RAPGEF5: variants seen among roughly 807,000 people sequenced by gnomAD.
RAPGEF5 encodes Rap guanine nucleotide exchange factor 5, also known as M-Ras-regulated GEF.
A neutral mutation model predicts 125.2 loss-of-function variants in RAPGEF5; 65 were observed. The ratio of observed to expected loss-of-function variants is 0.52; its 90% CI spans 0.43 to 0.64. RAPGEF5 has a LOEUF of 0.64. Among genes scored for constraint, RAPGEF5 ranks in the 30% least tolerant of loss-of-function variants. The probability of loss-of-function intolerance (pLI) is 0.00; values close to 1 mark genes in which losing one functional copy is unlikely to be tolerated. For missense variants in RAPGEF5, 958 were observed against 1,048.1 expected, an observed-to-expected ratio of 0.91 and a Z score of 1.19; for synonymous variants, 391 against 385.9, an observed-to-expected ratio of 1.01 and a Z score of -0.16.
At chr7:22,170,671 T>C (rs547072241) in intron 11 of RAPGEF5, among the ~76,000 whole-genome samples, 3 of 152,316 alleles carry the variant, frequency 2.0e-5, no homozygotes, top group African/African-American at 7.2e-5. Context: ...CAGAGTCTGG[T>C]TGGATGGTGG....
At position 22,218,540 on chromosome 7, in the gene RAPGEF5, G is replaced by T. The variant is rs1297326389; in HGVS notation, c.996+1326C>A. 2.6e-5 allele frequency among the ~76,000 whole-genome samples: 4 copies of T among 152,272 alleles called. No homozygotes were observed. In the South Asian group the frequency reaches 8.3e-4, roughly 32 times the overall value. On this transcript the variant is annotated intron_variant, in intron 9 of 25. Transcript: ENST00000665637. ...TTGTTAAGACTATTGTGGGGGAAATGTGCATCTTGAAATCAATAAAATATG... is the reference window on the plus strand; with the variant it reads ...TTGTTAAGACTATTGTGGGGGAAATTTGCATCTTGAAATCAATAAAATATG...
In RAPGEF5 at chr7:22,291,243, T is replaced by TA. The variant is rs367948789; in HGVS notation, c.681-3dup. The TA allele has an allele frequency of 0.026, 34,332 of 1,329,932 alleles. 3 individuals are homozygous for TA. Among genetic ancestry groups the TA allele is most frequent in the East Asian group, 0.038 (1,427 of 37,388 alleles). 82.4% of individuals were successfully genotyped at this position (1,329,932 alleles called of 1,614,324 possible). A position where few individuals can be genotyped will look rare whatever the true frequency, so the allele number is the denominator to read the frequency against. ...GAGTCTTCAATTTTCTGATGAGACC[T>TA]AAAAAAAAAAAAAAGAACAAATTAC... On this transcript the variant is annotated splice_polypyrimidine_tract_variant and splice_region_variant and intron_variant, in intron 5 of 25. Coordinates refer to ENST00000665637, the MANE Select transcript of RAPGEF5 (RefSeq NM_012294.5).
intron 11 of RAPGEF5, among the ~76,000 whole-genome samples, chr7:22,178,621 A>G (rs1784581781): frequency 6.6e-6 from 1 of 152,226 alleles, no homozygotes; most frequent in South Asian, 2.1e-4. Context: ...GTAGTTACAC[A>G]GCATGAGGTC....
At chr7:22,351,650 A>G (rs957428778) in intron 1 of RAPGEF5, among the ~76,000 whole-genome samples, 21 of 152,224 alleles carry the variant, frequency 1.4e-4, no homozygotes, top group Admixed American at 2.6e-4. Context: ...ATATCAGAAT[A>G]TGCATGGTAC....
intron 1 of RAPGEF5, among the ~76,000 whole-genome samples, chr7:22,327,088 A>G (rs1046327627): frequency 6.6e-6 from 1 of 152,252 alleles, no homozygotes; most frequent in Non-Finnish European, 1.5e-5. Context: ...TTTTCAATCT[A>G]TAAATAATCT....
chr7:22,144,674 C>T (rs1244424812), intron 20 of RAPGEF5, among the ~76,000 whole-genome samples: 1 of 152,274 alleles, frequency 6.6e-6, no homozygotes, highest in East Asian at 1.9e-4. Context: ...GCAGGTCCTA[C>T]AATGCACCTG....
In RAPGEF5 at chr7:22,150,391, G is replaced by A; in HGVS notation, c.1884+16C>T. 1 of 1,597,860 alleles carries A rather than the reference G, an allele frequency of 6.3e-7. No homozygotes were observed. The highest frequency in any genetic ancestry group is 1.1e-5 in the South Asian group (1 of 87,004). The stretch of plus-strand genomic sequence containing the variant: ...CCTGGCCTGTTTGTTTCAAATACAA[G>A]GCTGAAGGTCCTTACCAAAGTGTCC... On this transcript the variant is annotated intron_variant, in intron 18 of 25. Transcript: ENST00000665637.
intron 1 of RAPGEF5, among the ~76,000 whole-genome samples, chr7:22,333,965 G>A (rs994695728): frequency 1.3e-4 from 20 of 152,264 alleles, no homozygotes; most frequent in African/African-American, 4.8e-4. Flanking sequence ...TGAAGGCAAA[G>A]GAGAGTCGGC....
Position 22,122,435 on chromosome 7 carries a change from G to C in RAPGEF5, c.2623C>G (p.Leu875Val), listed in dbSNP as rs746977906. Residue 875 changes from leucine to valine, a missense_variant, in exon 26 of 26, where the codon CTC becomes GTC. Leu to Val is a conservative substitution (Grantham distance 32). Coordinates refer to ENST00000665637, the MANE Select transcript of RAPGEF5 (RefSeq NM_012294.5). ...ACCCGAGGCTCGATCCTGTGTGAGA[G>C]CTCAAACAGAGCCTGCTGGCTGTCA... ...VIDSQQALFE[L>V]SHRIEPRV is the part of the protein sequence containing the mutation. 1 of 1,613,748 alleles carries C rather than the reference G, an allele frequency of 6.2e-7. No individual in the cohort carries two copies. The highest frequency in any genetic ancestry group is 8.5e-7 in the Non-Finnish European group (1 of 1,179,734).
chr7:22,230,115 A>C (rs1335684245), intron 8 of RAPGEF5, among the ~76,000 whole-genome samples: 2 of 152,242 alleles, frequency 1.3e-5, no homozygotes, highest in African/African-American at 4.8e-5. Flanking sequence ...TAAGGATTTA[A>C]GAAACTTGGA....
chr7:22,134,741 T>C (rs777805973), intron 23 of RAPGEF5, among the ~76,000 whole-genome samples: 1 of 152,210 alleles, frequency 6.6e-6, no homozygotes, highest in African/African-American at 2.4e-5. Context: ...CACCCTCTAA[T>C]TGAAGATATT....
intron 11 of RAPGEF5, among the ~76,000 whole-genome samples, chr7:22,167,515 C>T (rs909194058): frequency 5.3e-5 from 8 of 152,192 alleles, no homozygotes; most frequent in Non-Finnish European, 1.0e-4. Context: ...GAGGTGTACA[C>T]TCAAGTCCTA....
chr7:22,169,281 T>C (rs1301896033), intron 11 of RAPGEF5, among the ~76,000 whole-genome samples: 3 of 152,184 alleles, frequency 2.0e-5, no homozygotes, highest in Non-Finnish European at 1.5e-5. Flanking sequence ...TTTACTTTAC[T>C]TGTCTCCAAA....
In RAPGEF5 at chr7:22,119,338, G is replaced by C. The variant is rs892662812; in HGVS notation, c.*3068C>G. The stretch of plus-strand genomic sequence containing the variant: ...GGTGTATGCTCCACACTACCTGTTT[G>C]TGGTTCTCGGTCTAGGGAAATGAAT... On this transcript the variant is annotated 3_prime_UTR_variant, in exon 26 of 26. Coordinates refer to ENST00000665637, the MANE Select transcript of RAPGEF5 (RefSeq NM_012294.5). The surrounding 1 kb of genome is among the most constrained non-coding windows in gnomAD (Gnocchi z 4.1). 6.6e-6 allele frequency: 1 copy of C among 152,156 alleles called. No homozygotes were observed. The highest frequency in any genetic ancestry group is 2.4e-5 in the African/African-American group (1 of 41,412). 9.4% of individuals were successfully genotyped at this position (152,156 alleles called of 1,614,324 possible).
chr7:22,297,070 AAT>A (rs1242666958), intron 5 of RAPGEF5, among the ~76,000 whole-genome samples: 1 of 152,236 alleles, frequency 6.6e-6, no homozygotes, highest in Non-Finnish European at 1.5e-5. Context: ...AGTAACCATA[AAT>A]ATATCTTTTG....
intron 11 of RAPGEF5, among the ~76,000 whole-genome samples, chr7:22,188,410 A>G (rs1784887053): frequency 6.6e-6 from 1 of 152,198 alleles, no homozygotes; most frequent in African/African-American, 2.4e-5. Context: ...ACAAGATTAA[A>G]AAGTTAATAG....
chr7:22,231,554 T>A (rs545170565), intron 7 of RAPGEF5, among the ~76,000 whole-genome samples: 49 of 152,170 alleles, frequency 3.2e-4, no homozygotes, highest in Non-Finnish European at 6.2e-4. Context: ...TAAAAACAAG[T>A]GCCAGACTTT....
At chr7:22,209,882 A>G (rs1241825318) in intron 9 of RAPGEF5, among the ~76,000 whole-genome samples, 1 of 152,230 alleles carries the variant, frequency 6.6e-6, no homozygotes, top group Non-Finnish European at 1.5e-5. Context: ...CAAACTATTA[A>G]CAAAATTGCT....
At chr7:22,132,954 C>T (rs941965907) in intron 23 of RAPGEF5, among the ~76,000 whole-genome samples, 1 of 152,174 alleles carries the variant, frequency 6.6e-6, no homozygotes, top group Non-Finnish European at 1.5e-5. Flanking sequence ...GGCTGGCTCC[C>T]CCTCACCACT....
Sources: allele counts gnomAD v4.1 joint callset (sites outside exome capture counted in the v4.1 genomes callset), GRCh38; gene constraint gnomAD v4.1.1; non-coding constraint Gnocchi (gnomAD v3.1); transcripts MANE v1.5; gene names NCBI Gene and HGNC (gene_info 2026-07-23, HGNC 2026-07-21).